MMP16: variants seen among roughly 807,000 people sequenced by gnomAD.
The protein encoded by MMP16 is matrix metallopeptidase 16.
Under a neutral mutation model 67.8 loss-of-function variants are expected in MMP16, and 12 were observed. That is an observed-to-expected ratio of 0.18 (90% CI 0.11 to 0.29). MMP16 has a LOEUF of 0.29. Among genes scored for constraint, MMP16 ranks in the 10% least tolerant of loss-of-function variants. MMP16 has a pLI of 1.00. For synonymous variants in MMP16, 249 were observed against 255.9 expected (o/e 0.97, Z 0.26); for missense variants, 475 against 765.7 (o/e 0.62, Z 4.48).
At chr8:88,183,767 G>A (rs1586193867) in intron 3 of MMP16, among the ~76,000 whole-genome samples, 1 of 140,190 alleles carries the variant, frequency 7.1e-6, no homozygotes, top group South Asian at 2.2e-4. Flanking sequence ...CCAGGCTGGA[G>A]TGCAATGGCG....
chr8:88,200,971 A>G (rs1025094469), intron 1 of MMP16, among the ~76,000 whole-genome samples: 1 of 151,938 alleles, frequency 6.6e-6, no homozygotes. Flanking sequence ...CTAGCCTTGA[A>G]GCTAGTAAGT....
intron 1 of MMP16, among the ~76,000 whole-genome samples, chr8:88,233,863 C>G (rs536850870): frequency 6.6e-6 from 1 of 152,328 alleles, no homozygotes; most frequent in South Asian, 2.1e-4. Flanking sequence ...TACAAAAGCA[C>G]TGGCTTTCCA....
chr8:88,115,059 G>C (rs775372264), intron 6 of MMP16, among the ~76,000 whole-genome samples: 2 of 151,904 alleles, frequency 1.3e-5, no homozygotes, highest in Non-Finnish European at 2.9e-5. Context: ...AACCTACTTA[G>C]ATAGACAGGA....
intron 4 of MMP16, among the ~76,000 whole-genome samples, chr8:88,125,192 T>G (rs992051751): frequency 1.3e-5 from 2 of 151,286 alleles, no homozygotes; most frequent in Admixed American, 6.6e-5. Context: ...CCTGGAGATT[T>G]TTTTTTTTTT....
intron 8 of MMP16, among the ~76,000 whole-genome samples, chr8:88,053,235 C>G (rs1808291676): frequency 6.6e-6 from 1 of 152,066 alleles, no homozygotes; most frequent in Admixed American, 6.6e-5. Flanking sequence ...TTGAGGGTAT[C>G]TAGATTTTGG....
At chr8:88,207,266 A>G (rs886825319) in intron 1 of MMP16, among the ~76,000 whole-genome samples, 2 of 152,206 alleles carry the variant, frequency 1.3e-5, no homozygotes, top group Non-Finnish European at 2.9e-5. Context: ...GCAGTGTTAA[A>G]TAATAACTGC....
rs918494700 is a variant in MMP16 at position 88,039,061 on chromosome 8, T to A, written c.*2400A>T. The A allele has an allele frequency of 1.4e-4, 21 of 152,548 alleles. No individual in the cohort carries two copies. The highest frequency in any genetic ancestry group is 5.1e-4 in the African/African-American group (21 of 41,448). The allele number at this position is 152,548 out of a possible 1,614,324, so 9.4% of individuals were successfully genotyped here. ...GTTTAACCAAAAGGCATTCTAATTT[T>A]CATGCTACGTTGAGTATAAATATAA... On this transcript the variant is annotated 3_prime_UTR_variant, in exon 10 of 10. Coordinates refer to ENST00000286614, the MANE Select transcript of MMP16 (RefSeq NM_005941.5). This position sits in a 1 kb window ranked among gnomAD's most constrained non-coding sequence, Gnocchi z 4.5.
At chr8:88,222,205 CTT>C (rs1809694012) in intron 1 of MMP16, among the ~76,000 whole-genome samples, 2 of 151,600 alleles carry the variant, frequency 1.3e-5, no homozygotes, top group Non-Finnish European at 2.9e-5. Flanking sequence ...ACAATCAAGA[CTT>C]AAAAAAATAC....
chr8:88,287,777 G>T (rs1451776052), intron 1 of MMP16, among the ~76,000 whole-genome samples: 2 of 152,144 alleles, frequency 1.3e-5, no homozygotes, highest in Non-Finnish European at 2.9e-5. Flanking sequence ...TGTCAGACAT[G>T]GTGCCCAGAG....
chr8:88,239,732 G>A (rs1810005159), intron 1 of MMP16, among the ~76,000 whole-genome samples: 1 of 152,048 alleles, frequency 6.6e-6, no homozygotes, highest in South Asian at 2.1e-4. Flanking sequence ...GAATGCTTTT[G>A]GAGCTATTTT....
intron 1 of MMP16, among the ~76,000 whole-genome samples, chr8:88,297,953 A>T (rs1345080381): frequency 6.6e-6 from 1 of 152,216 alleles, no homozygotes; most frequent in Non-Finnish European, 1.5e-5. Context: ...AGAGAAAGGA[A>T]ATTCAATGCA....
chr8:88,130,923 A>G (rs1459434067), intron 4 of MMP16, among the ~76,000 whole-genome samples: 2 of 151,794 alleles, frequency 1.3e-5, no homozygotes, highest in African/African-American at 4.8e-5. Flanking sequence ...TTAAAAATGT[A>G]TTAGAAATAT....
At chr8:88,125,068 C>A (rs989142844) in intron 4 of MMP16, among the ~76,000 whole-genome samples, 2 of 151,708 alleles carry the variant, frequency 1.3e-5, no homozygotes, top group Non-Finnish European at 2.9e-5. Flanking sequence ...GTGGCTTTAA[C>A]CACAAAATTT....
At chr8:88,108,727 G>T (rs1235732769) in intron 6 of MMP16, among the ~76,000 whole-genome samples, 1 of 151,272 alleles carries the variant, frequency 6.6e-6, no homozygotes, top group Non-Finnish European at 1.5e-5. Context: ...AAAGTGTAAG[G>T]TTTCCATTCC....
At chr8:88,060,518 G>A (rs1808384818) in intron 7 of MMP16, among the ~76,000 whole-genome samples, 1 of 151,944 alleles carries the variant, frequency 6.6e-6, no homozygotes, top group African/African-American at 2.4e-5. Flanking sequence ...CTTTCAGTAC[G>A]GGTGTCTTAT....
At chr8:88,271,619 G>A (rs1268440459) in intron 1 of MMP16, among the ~76,000 whole-genome samples, 1 of 152,124 alleles carries the variant, frequency 6.6e-6, no homozygotes, top group South Asian at 2.1e-4. Flanking sequence ...GCAGCCTCCT[G>A]AGTAGCTGGA....
At chr8:88,250,676 A>G (rs1563574062) in intron 1 of MMP16, among the ~76,000 whole-genome samples, 1 of 151,942 alleles carries the variant, frequency 6.6e-6, no homozygotes, top group Admixed American at 6.6e-5. Context: ...AAATATATAT[A>G]AGTTTCATTA....
chr8:88,170,282 T>G (rs1808778479), intron 3 of MMP16, among the ~76,000 whole-genome samples: 1 of 152,214 alleles, frequency 6.6e-6, no homozygotes, highest in African/African-American at 2.4e-5. Flanking sequence ...TAGTTTGTTT[T>G]AACTTTATGT....
At chr8:88,183,757 C>G (rs1424504946) in intron 3 of MMP16, among the ~76,000 whole-genome samples, 1 of 120,182 alleles carries the variant, frequency 8.3e-6, no homozygotes, top group Non-Finnish European at 1.6e-5. Context: ...CTCTTGTCAT[C>G]CAGGCTGGAG....
Sources: gnomAD v4.1 joint callset for allele counts (sites outside exome capture counted in the v4.1 genomes callset) on GRCh38, gnomAD v4.1.1 for gene constraint, Gnocchi (gnomAD v3.1) non-coding constraint, MANE v1.5 for transcripts, NCBI Gene and HGNC (gene_info 2026-07-23, HGNC 2026-07-21) for gene names.